Variants in IFNGR2 observed in about 807,000 individuals in gnomAD.
IFNGR2 encodes the protein interferon gamma receptor 2.
A neutral mutation model predicts 41.1 loss-of-function variants in IFNGR2; 15 were observed. The observed-to-expected ratio is 0.37, with a 90% confidence interval of 0.24 to 0.56. The LOEUF (loss-of-function observed/expected upper bound fraction) is 0.56. Among genes scored for constraint, IFNGR2 ranks in the 20% least tolerant of loss-of-function variants. The pLI, the probability that IFNGR2 is intolerant of heterozygous loss-of-function variation, is 0.81. For synonymous variants in IFNGR2, 161 were observed against 171.6 expected, an observed-to-expected ratio of 0.94 and a Z score of 0.48; for missense variants, 362 against 415.7, an observed-to-expected ratio of 0.87 and a Z score of 1.12.
At chr21:33,405,304 G>A (rs958060677) in intron 1 of IFNGR2, among the ~76,000 whole-genome samples, 1 of 151,944 alleles carries the variant, frequency 6.6e-6, no homozygotes, top group Non-Finnish European at 1.5e-5. Flanking sequence ...TTTTTCTACC[G>A]GCATTCCTTG....
At chr21:33,409,169 T>C (rs1284383571) in intron 1 of IFNGR2, among the ~76,000 whole-genome samples, 1 of 145,502 alleles carries the variant, frequency 6.9e-6, no homozygotes, top group East Asian at 2.0e-4. Context: ...AGAACAAGAC[T>C]GTCTCAAAAA....
chr21:33,430,670 C>A (rs1257230795), intron 4 of IFNGR2, among the ~76,000 whole-genome samples: 2 of 152,106 alleles, frequency 1.3e-5, no homozygotes, highest in African/African-American at 2.4e-5. Context: ...GTTACCCAAG[C>A]TCAAACTCCT....
intron 6 of IFNGR2, among the ~76,000 whole-genome samples, chr21:33,436,073 T>C (rs1248366047): frequency 2.0e-5 from 3 of 151,232 alleles, no homozygotes; most frequent in Non-Finnish European, 1.5e-5. Context: ...AATAAAAAAT[T>C]GTTGCCGGGT....
At chr21:33,430,959 T>C (rs1407662197) in intron 4 of IFNGR2, among the ~76,000 whole-genome samples, 10 of 152,190 alleles carry the variant, frequency 6.6e-5, no homozygotes, top group Non-Finnish European at 1.3e-4. Flanking sequence ...AGGGTATCGC[T>C]GTTTTCCACT....
chr21:33,403,353 CGGGGCG>C (rs1255687218), upstream of IFNGR2: 30 of 42,412 alleles, frequency 7.1e-4, no homozygotes, highest in Middle Eastern at 7.2e-3. Flanking sequence ...GGGGGCGGGA[CGGGGCG>C]GGGGCGGGGG....
chr21:33,419,220 C>T (rs1260139886), intron 2 of IFNGR2, among the ~76,000 whole-genome samples: 3 of 152,162 alleles, frequency 2.0e-5, no homozygotes, highest in African/African-American at 4.8e-5. Context: ...ATTGTCCTGC[C>T]TCAGCCTTCC....
intron 2 of IFNGR2, among the ~76,000 whole-genome samples, chr21:33,418,476 G>A (rs1165632043): frequency 6.6e-6 from 1 of 152,216 alleles, no homozygotes; most frequent in Non-Finnish European, 1.5e-5. Flanking sequence ...GATAATGGAA[G>A]AGGGCCTTTG....
At chr21:33,407,221 A>G (rs915131828) in intron 1 of IFNGR2, among the ~76,000 whole-genome samples, 6 of 152,290 alleles carry the variant, frequency 3.9e-5, no homozygotes, top group African/African-American at 1.4e-4. Flanking sequence ...ACTGTGCCAC[A>G]GAATTTTTTA....
chr21:33,432,049 C>A, intron 4 of IFNGR2, 128 bp from the exon 5 acceptor site: 1 of 846,126 alleles, frequency 1.2e-6, no homozygotes, highest in Non-Finnish European at 2.0e-6. Flanking sequence ...AGCCAGTGAC[C>A]CACTAAAAAT....
intron 4 of IFNGR2, among the ~76,000 whole-genome samples, chr21:33,431,070 C>T (rs17882619): frequency 0.12 from 18,588 of 152,090 alleles, 1,291 homozygotes; most frequent in African/African-American, 0.14. Context: ...CAGAGGGATG[C>T]GCAGAGGAGA....
At chr21:33,424,863 C>T (rs2083822585) in intron 3 of IFNGR2, among the ~76,000 whole-genome samples, 1 of 122,022 alleles carries the variant, frequency 8.2e-6, no homozygotes, top group South Asian at 2.6e-4. Context: ...GCCTCAGCCT[C>T]CCCAGTAGCT....
chr21:33,431,270 C>T (rs1231324952), intron 4 of IFNGR2, among the ~76,000 whole-genome samples: 1 of 152,134 alleles, frequency 6.6e-6, no homozygotes, highest in Non-Finnish European at 1.5e-5. Flanking sequence ...CTAGATTAAC[C>T]GTGAGATACA....
chr21:33,428,505 G>A (rs1242471892), intron 4 of IFNGR2, among the ~76,000 whole-genome samples: 1 of 152,164 alleles, frequency 6.6e-6, no homozygotes, highest in Non-Finnish European at 1.5e-5. Flanking sequence ...TGAGGTTACA[G>A]GCATGAGCCC....
Position 33,432,176 on chromosome 21 carries a change from G to C in IFNGR2, c.562-1G>C, listed in dbSNP as rs756321879. ...GTGTGCTTGTGATGTTTTTAAAACA[G>C]GTCAAAGGCCCTTTCAGAAGCAACT... On this transcript the variant is annotated splice_acceptor_variant, in intron 4 of 6. Transcript: ENST00000290219. LOFTEE classifies it high-confidence loss of function. 6.2e-7 allele frequency: 1 copy of C among 1,613,918 alleles called. No individual in the cohort carries two copies. Among genetic ancestry groups the C allele is most frequent in the East Asian group, 2.2e-5 (1 of 44,878 alleles).
chr21:33,413,825 CCTTT>C (rs1568952351), intron 1 of IFNGR2, among the ~76,000 whole-genome samples: 1 of 79,390 alleles, frequency 1.3e-5, no homozygotes, highest in Non-Finnish European at 2.6e-5. Flanking sequence ...TGCCCCCTAA[CCTTT>C]TTTTTTTTTT....
chr21:33,424,773 G>T (rs761705386), intron 3 of IFNGR2, among the ~76,000 whole-genome samples: 1 of 152,134 alleles, frequency 6.6e-6, no homozygotes, highest in Non-Finnish European at 1.5e-5. Context: ...AGACAGTCTC[G>T]CTCTGTCGCC....
rs144199602 is a variant in IFNGR2 at position 33,424,288 on chromosome 21, G to A, written c.413-2596G>A. ...TGCACATCAGCCTGGGTGACAGAGCGAGGCTCTGTCATTTAAAAAAAAAAA... is the reference window on the plus strand; with the variant it reads ...TGCACATCAGCCTGGGTGACAGAGCAAGGCTCTGTCATTTAAAAAAAAAAA... On this transcript the variant is annotated intron_variant, in intron 3 of 6. Coordinates refer to ENST00000290219, the MANE Select transcript of IFNGR2 (RefSeq NM_005534.4). 6.6e-3 allele frequency among the ~76,000 whole-genome samples: 1,008 copies of A among 151,892 alleles called. 5 individuals carry two copies. The highest frequency in any genetic ancestry group is 0.011 in the Non-Finnish European group (767 of 67,916).
At chr21:33,428,325 AGT>A (rs2083857922) in intron 4 of IFNGR2, among the ~76,000 whole-genome samples, 1 of 151,572 alleles carries the variant, frequency 6.6e-6, no homozygotes, top group Admixed American at 6.6e-5. Flanking sequence ...CGGCTCAAGC[AGT>A]CCACCCACTT....
At chr21:33,432,031 C>A in intron 4 of IFNGR2, 146 bp from the exon 5 acceptor site, 1 of 735,992 alleles carries the variant, frequency 1.4e-6, no homozygotes, top group Non-Finnish European at 2.4e-6. Flanking sequence ...TAAAATGTGT[C>A]CACTGCCAGC....
Sources: gnomAD v4.1 joint callset for allele counts (sites outside exome capture counted in the v4.1 genomes callset) on GRCh38, gnomAD v4.1.1 for gene constraint, MANE v1.5 for transcripts, NCBI Gene and HGNC (gene_info 2026-07-23, HGNC 2026-07-21) for gene names.